The following ZBBX variants were observed in gnomAD, a reference collection of about 807,000 sequenced individuals.
ZBBX encodes the protein zinc finger B-box domain-containing protein 1.
Under a neutral mutation model 108.5 loss-of-function variants are expected in ZBBX, and 101 were observed. That is an observed-to-expected ratio of 0.93 (90% CI 0.79 to 1.10). The LOEUF (loss-of-function observed/expected upper bound fraction) is 1.10. Ranked by LOEUF, ZBBX falls within the 50% of genes least tolerant of loss-of-function variation. The pLI is 0.00. For missense variants in ZBBX, 1,009 were observed against 941.4 expected (o/e 1.07, Z -0.94); for synonymous variants, 356 against 323.4 (o/e 1.10, Z -1.08).
intron 20 of ZBBX, among the ~76,000 whole-genome samples, chr3:167,280,624 G>A (rs2108518573): frequency 6.6e-6 from 1 of 150,764 alleles, no homozygotes; most frequent in East Asian, 2.0e-4. Context: ...GAGAGGATGT[G>A]GAGAAATAGG....
chr3:167,394,468 C>T (rs1274933298), intron 1 of ZBBX, among the ~76,000 whole-genome samples: 2 of 151,756 alleles, frequency 1.3e-5, no homozygotes, highest in East Asian at 3.9e-4. Flanking sequence ...TTATTTTCCC[C>T]CAAAATAAGC....
chr3:167,271,220 AG>A (rs1726465177), intron 20 of ZBBX, among the ~76,000 whole-genome samples: 1 of 152,226 alleles, frequency 6.6e-6, no homozygotes, highest in Non-Finnish European at 1.5e-5. Flanking sequence ...TCTTATTAAT[AG>A]CAAAAGCCAA....
At chr3:167,254,174 G>A (rs1723075279) in intron 20 of ZBBX, among the ~76,000 whole-genome samples, 1 of 152,116 alleles carries the variant, frequency 6.6e-6, no homozygotes, top group Non-Finnish European at 1.5e-5. Flanking sequence ...CAGTTTTTCT[G>A]GGACACACAC....
intron 19 of ZBBX, among the ~76,000 whole-genome samples, chr3:167,285,138 A>G (rs575731301): frequency 6.6e-6 from 1 of 152,140 alleles, no homozygotes; most frequent in South Asian, 2.1e-4. Flanking sequence ...TATATGCTCT[A>G]TGATTACTAA....
intron 20 of ZBBX, among the ~76,000 whole-genome samples, chr3:167,266,793 G>A (rs891801222): frequency 7.9e-5 from 12 of 152,180 alleles, no homozygotes; most frequent in Admixed American, 7.2e-4. Flanking sequence ...TGAGGCATCG[G>A]AAATTCATTT....
intron 16 of ZBBX, among the ~76,000 whole-genome samples, chr3:167,306,800 C>G (rs1733723678): frequency 6.6e-6 from 1 of 152,180 alleles, no homozygotes; most frequent in Non-Finnish European, 1.5e-5. Context: ...ATTATCCAGA[C>G]TGAATATAGC....
chr3:167,393,756 T>C (rs1201873647), intron 1 of ZBBX, among the ~76,000 whole-genome samples: 1 of 151,906 alleles, frequency 6.6e-6, no homozygotes, highest in Non-Finnish European at 1.5e-5. Context: ...AATGCAATTA[T>C]CTCACTTCTA....
At chr3:167,271,590 C>A (rs2108473877) in intron 20 of ZBBX, among the ~76,000 whole-genome samples, 1 of 152,330 alleles carries the variant, frequency 6.6e-6, no homozygotes, top group South Asian at 2.1e-4. Context: ...AAGGGACCCA[C>A]TGGGGACCCA....
intron 9 of ZBBX, among the ~76,000 whole-genome samples, chr3:167,344,985 T>C (rs1432055983): frequency 1.3e-5 from 2 of 151,906 alleles, no homozygotes; most frequent in Non-Finnish European, 2.9e-5. Flanking sequence ...GAGGAAAAGC[T>C]TTTGTTAACC....
the ZBBX span, among the ~76,000 whole-genome samples, chr3:167,218,788 G>A: frequency 1.1e-4 from 16 of 152,078 alleles, no homozygotes; most frequent in African/African-American, 3.9e-4. Flanking sequence ...CCACTGATAA[G>A]ATTGCATATA....
intron 20 of ZBBX, among the ~76,000 whole-genome samples, chr3:167,248,846 T>C (rs1379450284): frequency 6.6e-6 from 1 of 152,208 alleles, no homozygotes; most frequent in African/African-American, 2.4e-5. Flanking sequence ...GGTTAATTCC[T>C]ATTCTCCAGG....
At chr3:167,401,009 C>T (rs2108643081) in intron 1 of ZBBX, among the ~76,000 whole-genome samples, 1 of 152,224 alleles carries the variant, frequency 6.6e-6, no homozygotes, top group South Asian at 2.1e-4. Context: ...ATTTTGGGAT[C>T]CCCAAGATTT....
the ZBBX span, among the ~76,000 whole-genome samples, chr3:167,226,267 A>C: frequency 6.6e-6 from 1 of 151,824 alleles, no homozygotes; most frequent in Admixed American, 6.6e-5. Flanking sequence ...TTAGACATAT[A>C]GTTAACATAC....
chr3:167,282,162 A>C, intron 20 of ZBBX, 76 bp downstream of exon 20: 3 of 1,407,276 alleles, frequency 2.1e-6, no homozygotes, highest in Non-Finnish European at 2.9e-6. Context: ...TTGTTTTGTT[A>C]GCGCAAGATA....
intron 20 of ZBBX, among the ~76,000 whole-genome samples, chr3:167,276,562 C>G (rs950360785): frequency 6.6e-6 from 1 of 152,134 alleles, no homozygotes; most frequent in East Asian, 1.9e-4. Context: ...TAAAAAGAAA[C>G]GAGCAAAGCC....
the ZBBX span, among the ~76,000 whole-genome samples, chr3:167,216,751 A>G: frequency 3.9e-5 from 6 of 152,218 alleles, no homozygotes; most frequent in Admixed American, 3.3e-4. Context: ...CCAAAATAGC[A>G]TGGTACTGGT....
chr3:167,200,503 A>G, the ZBBX span, among the ~76,000 whole-genome samples: 1 of 152,172 alleles, frequency 6.6e-6, no homozygotes, highest in Non-Finnish European at 1.5e-5. Context: ...AAAGACTCTC[A>G]GAGTGTCCTG....
the ZBBX span, among the ~76,000 whole-genome samples, chr3:167,219,412 G>T: frequency 6.6e-6 from 1 of 151,912 alleles, no homozygotes; most frequent in Non-Finnish European, 1.5e-5. Context: ...CAAAAAAACT[G>T]AAATTATATC....
chr3:167,239,283 C>G (rs1191140828), downstream of ZBBX, among the ~76,000 whole-genome samples: 1 of 152,046 alleles, frequency 6.6e-6, no homozygotes, highest in Non-Finnish European at 1.5e-5. Context: ...TCAATGTCTA[C>G]TTATTTAAAT....
Sources: gnomAD v4.1 joint callset for allele counts (sites outside exome capture counted in the v4.1 genomes callset) on GRCh38, gnomAD v4.1.1 for gene constraint, MANE v1.5 for transcripts, NCBI Gene and HGNC (gene_info 2026-07-23, HGNC 2026-07-21) for gene names.